The following ADAMTS20 variants were observed in gnomAD, a reference collection of about 807,000 sequenced individuals.
ADAMTS20 encodes A disintegrin and metalloproteinase with thrombospondin motifs 20.
In ADAMTS20, 225 loss-of-function variants were observed where a neutral mutation model predicts 260.1. The observed-to-expected ratio is 0.87, with a 90% CI of 0.78 to 0.97. The LOEUF (loss-of-function observed/expected upper bound fraction) is 0.97, where lower values mean the gene tolerates loss of function less well. Among genes scored for constraint, ADAMTS20 ranks in the 50% least tolerant of loss-of-function variants. The probability of loss-of-function intolerance (pLI) is 0.00; values close to 1 mark genes in which losing one functional copy is unlikely to be tolerated. For missense variants in ADAMTS20, 2,400 were observed against 2,337.7 expected (o/e 1.03, Z -0.55); for synonymous variants, 802 against 769.5 (o/e 1.04, Z -0.70).
intron 31 of ADAMTS20, 26 bp from the exon 32 acceptor site, chr12:43,377,588 G>A: frequency 1.3e-6 from 2 of 1,582,744 alleles, no homozygotes; most frequent in Non-Finnish European, 1.7e-6. Flanking sequence ...TTACAAGAAA[G>A]AAAATGTCAT....
intron 11 of ADAMTS20, among the ~76,000 whole-genome samples, 174 bp downstream of exon 11, chr12:43,462,721 A>C (rs1284931251): frequency 6.6e-6 from 1 of 152,214 alleles, no homozygotes; most frequent in Non-Finnish European, 1.5e-5. Flanking sequence ...AATAGGGTAA[A>C]ATTAAAGATT....
At chr12:43,398,078 A>G (rs1336066072) in intron 29 of ADAMTS20, among the ~76,000 whole-genome samples, 1 of 152,208 alleles carries the variant, frequency 6.6e-6, no homozygotes, top group African/African-American at 2.4e-5. Context: ...TTCCAACATC[A>G]GAAGATGGGT....
intron 11 of ADAMTS20, among the ~76,000 whole-genome samples, chr12:43,457,296 A>T (rs1941981383): frequency 6.6e-6 from 1 of 151,984 alleles, no homozygotes. Context: ...CCAGGCTCAC[A>T]TCTAGTTTTT....
intron 2 of ADAMTS20, among the ~76,000 whole-genome samples, chr12:43,541,992 C>T (rs982080904): frequency 5.3e-5 from 8 of 152,174 alleles, no homozygotes; most frequent in Admixed American, 5.2e-4. Context: ...CTCATCTACC[C>T]AAGATTATGT....
At chr12:43,357,195 A>C (rs1204384162) in intron 37 of ADAMTS20, among the ~76,000 whole-genome samples, 1 of 152,202 alleles carries the variant, frequency 6.6e-6, no homozygotes, top group African/African-American at 2.4e-5. Context: ...GTGTTATTAA[A>C]ATAGGTAACA....
intron 21 of ADAMTS20, 86 bp downstream of exon 21, chr12:43,432,218 C>T (rs1941458002): frequency 1.5e-6 from 2 of 1,338,240 alleles, no homozygotes; most frequent in Admixed American, 5.4e-5. Flanking sequence ...TAAATTTAAG[C>T]ACTTTTAAAT....
At chr12:43,448,034 G>T (rs1421722111) in intron 14 of ADAMTS20, among the ~76,000 whole-genome samples, 1 of 152,132 alleles carries the variant, frequency 6.6e-6, no homozygotes, top group East Asian at 1.9e-4. Flanking sequence ...TGGATAGGAA[G>T]AATCAATATC....
chr12:43,381,727 G>C (rs905619989), intron 31 of ADAMTS20, among the ~76,000 whole-genome samples: 11 of 134,502 alleles, frequency 8.2e-5, no homozygotes, highest in Non-Finnish European at 1.5e-5. Flanking sequence ...ACTTCAGTGA[G>C]CTGTAATTAT....
At chr12:43,360,346 G>A (rs1372607559) in intron 37 of ADAMTS20, among the ~76,000 whole-genome samples, 5 of 152,204 alleles carry the variant, frequency 3.3e-5, no homozygotes, top group Non-Finnish European at 7.3e-5. Context: ...CCACTCAGGA[G>A]GCTGAGGCAG....
At chr12:43,450,136 T>C (rs1941838372) in intron 14 of ADAMTS20, among the ~76,000 whole-genome samples, 1 of 152,150 alleles carries the variant, frequency 6.6e-6, no homozygotes, top group South Asian at 2.1e-4. Flanking sequence ...AGTAAAGTTT[T>C]CTCTAAAACT....
chr12:43,551,790 G>A lies in ADAMTS20; in HGVS notation c.91+41C>T, dbSNP rs373290050. 2.3e-5 allele frequency: 36 copies of A among 1,599,792 alleles called. No homozygotes were observed. Among genetic ancestry groups the A allele is most frequent in the Non-Finnish European group, 3.0e-5 (35 of 1,168,838 alleles). On this transcript the variant is annotated intron_variant, in intron 1 of 38. Transcript: ENST00000389420. The surrounding 1 kb of genome is among the most constrained non-coding windows in gnomAD (Gnocchi z 4.6). ...CCTGCATGTCCCACTCGGGCCCCGC[G>A]CCCCCACTTAGCCGCTGAAGGCGTC...
At chr12:43,432,543 T>A in intron 20 of ADAMTS20, 58 bp downstream of exon 20, 1 of 1,604,408 alleles carries the variant, frequency 6.2e-7, no homozygotes, top group Non-Finnish European at 8.5e-7. Flanking sequence ...CAGAGTAACA[T>A]AAATACGTAA....
At chr12:43,481,315 A>G (rs1942438558) in intron 7 of ADAMTS20, among the ~76,000 whole-genome samples, 1 of 150,502 alleles carries the variant, frequency 6.6e-6, no homozygotes, top group African/African-American at 2.4e-5. Context: ...CAGAAAAAAC[A>G]CTTAAGAAAA....
At chr12:43,403,013 A>G (rs1356585321) in intron 28 of ADAMTS20, among the ~76,000 whole-genome samples, 3 of 152,122 alleles carry the variant, frequency 2.0e-5, no homozygotes, top group Admixed American at 6.6e-5. Context: ...CTAAGATAAA[A>G]CAGGGCATTT....
At chr12:43,532,295 C>T in intron 2 of ADAMTS20, 100 bp from the exon 3 acceptor site, 5 of 1,056,370 alleles carry the variant, frequency 4.7e-6, no homozygotes, top group Non-Finnish European at 6.7e-6. Flanking sequence ...AGCAAAACAG[C>T]AAGGAGTCTG....
intron 3 of ADAMTS20, among the ~76,000 whole-genome samples, chr12:43,504,073 C>A (rs11182117): frequency 0.2 from 30,225 of 151,872 alleles, 3,364 homozygotes; most frequent in Middle Eastern, 0.31. Context: ...TGGGTATATG[C>A]CCAATAATGG....
At chr12:43,382,983 CA>C (rs1390256223) in intron 31 of ADAMTS20, among the ~76,000 whole-genome samples, 7 of 151,736 alleles carry the variant, frequency 4.6e-5, no homozygotes, top group African/African-American at 9.7e-5. Flanking sequence ...TTACAGCAGA[CA>C]AAAAAAGTAT....
intron 14 of ADAMTS20, among the ~76,000 whole-genome samples, chr12:43,451,926 T>A (rs1941871019): frequency 6.6e-6 from 1 of 152,198 alleles, no homozygotes; most frequent in East Asian, 1.9e-4. Context: ...AACATTACTG[T>A]AGAAGCTTAC....
rs1592099762 is a variant in ADAMTS20, at chr12:43,501,486, CACACACACACACACACAT to C, written c.867+648_867+665del. On this transcript the variant is annotated intron_variant, in intron 4 of 38. Coordinates refer to ENST00000389420, the MANE Select transcript of ADAMTS20 (RefSeq NM_025003.5). ...ACGCGCGCGCGCGCGCGCGCGCACA[CACACACACACACACACAT>C]GTAAGGATGAAGCGTGATGCCACTT... is the stretch of plus-strand genomic sequence containing the variant. Among the ~76,000 whole-genome samples, 3 of 116,410 alleles carry C rather than the reference CACACACACACACACACAT, an allele frequency of 2.6e-5. No homozygotes were observed. The East Asian group carries it at 6.2e-4, about 24-fold the overall frequency. The allele number at this position is 116,410 out of a possible 152,430, so 76.4% of individuals were successfully genotyped here.
Sources: allele counts gnomAD v4.1 joint callset (sites outside exome capture counted in the v4.1 genomes callset), GRCh38; gene constraint gnomAD v4.1.1; non-coding constraint Gnocchi (gnomAD v3.1); transcripts MANE v1.5; gene names NCBI Gene and HGNC (gene_info 2026-07-23, HGNC 2026-07-21).